The following MED13L variants were observed in gnomAD, a reference collection of about 807,000 sequenced individuals.
The protein encoded by MED13L is mediator of RNA polymerase II transcription subunit 13-like.
Under a neutral mutation model 220.9 loss-of-function variants are expected in MED13L, and 7 were observed. The ratio of observed to expected loss-of-function variants is 0.03; its 90% confidence interval spans 0.02 to 0.06. The LOEUF (loss-of-function observed/expected upper bound fraction) is 0.06. Among genes scored for constraint, MED13L ranks in the 10% least tolerant of loss-of-function variants. The pLI is 1.00. For missense variants in MED13L, 1,965 were observed against 2,760.5 expected (o/e 0.71, Z 6.46); for synonymous variants, 1,011 against 1,015.2 (o/e 1.00, Z 0.08).
chr12:116,242,499 T>C (rs1462791353), intron 1 of MED13L, among the ~76,000 whole-genome samples: 1 of 152,166 alleles, frequency 6.6e-6, no homozygotes, highest in Non-Finnish European at 1.5e-5. Context: ...CAATCCTTAA[T>C]TAAATCTAAG....
intron 2 of MED13L, among the ~76,000 whole-genome samples, chr12:116,114,854 G>T (rs948287436): frequency 2.6e-5 from 4 of 152,114 alleles, no homozygotes; most frequent in Non-Finnish European, 5.9e-5. Context: ...ACCATTTACA[G>T]TAGCACCAAA....
chr12:116,080,937 C>T (rs1204515119), intron 4 of MED13L, among the ~76,000 whole-genome samples: 3 of 152,056 alleles, frequency 2.0e-5, no homozygotes, highest in South Asian at 4.1e-4. Flanking sequence ...TATAGGAATA[C>T]GAAGGTATTC....
At chr12:116,084,374 GT>G (rs1871466539) in intron 4 of MED13L, among the ~76,000 whole-genome samples, 1 of 152,166 alleles carries the variant, frequency 6.6e-6, no homozygotes, top group Non-Finnish European at 1.5e-5. Flanking sequence ...CAGAGAAGGG[GT>G]AAATGGAGGG....
chr12:116,241,384 C>A (rs1241703323), intron 1 of MED13L, among the ~76,000 whole-genome samples: 1 of 147,930 alleles, frequency 6.8e-6, no homozygotes, highest in Non-Finnish European at 1.5e-5. Flanking sequence ...TCACTAATAA[C>A]ATCTAATAAC....
chr12:116,011,892 G>A (rs1029988463), intron 9 of MED13L, among the ~76,000 whole-genome samples: 9 of 152,220 alleles, frequency 5.9e-5, no homozygotes, highest in Non-Finnish European at 1.0e-4. Flanking sequence ...ACACGCAGCA[G>A]TCTGCATATA....
rs762231074 is a variant in MED13L at position 116,007,527 on chromosome 12, T to C, written c.2122A>G (p.Ser708Gly). 46 of 1,613,756 alleles carry C rather than the reference T, an allele frequency of 2.9e-5. No homozygotes were observed. The highest frequency in any genetic ancestry group is 3.6e-5 in the Non-Finnish European group (43 of 1,179,930). ...PLPLSQQPGD[S>G]LGEVNDPYTF... ...TATGGGTCATTCACTTCTCCCAAAC[T>C]GTCTCCAGGTTGTTGTGATAGAGGC... The change falls in exon 11 of 31, where the codon AGT (serine) becomes GGT (glycine). Residue 708 changes from serine to glycine, a missense_variant. This residue lies in a region of MED13L where 818 missense variants were observed against 1,041.2 expected (regional missense o/e 0.79). Coordinates refer to ENST00000281928, the MANE Select transcript of MED13L (RefSeq NM_015335.5).
chr12:116,239,801 T>TA (rs1421932049), intron 1 of MED13L, among the ~76,000 whole-genome samples: 1 of 152,236 alleles, frequency 6.6e-6, no homozygotes, highest in African/African-American at 2.4e-5. Context: ...GCATATCTTT[T>TA]AAAATATCGG....
intron 3 of MED13L, among the ~76,000 whole-genome samples, chr12:116,104,566 T>C (rs1873390572): frequency 6.6e-6 from 1 of 152,166 alleles, no homozygotes; most frequent in Admixed American, 6.5e-5. Flanking sequence ...ATGCTAACAA[T>C]CCATTAGTAC....
At chr12:116,205,081 G>A (rs1478850202) in intron 2 of MED13L, among the ~76,000 whole-genome samples, 1 of 151,988 alleles carries the variant, frequency 6.6e-6, no homozygotes, top group African/African-American at 2.4e-5. Context: ...TGCCTTCTGG[G>A]ACACACAAAT....
At chr12:116,106,781 G>C (rs976223196) in intron 3 of MED13L, among the ~76,000 whole-genome samples, 3 of 150,964 alleles carry the variant, frequency 2.0e-5, no homozygotes, top group Admixed American at 6.6e-5. Flanking sequence ...GAGAGGCAGA[G>C]ATTGCAGTGA....
chr12:116,057,726 T>A (rs1181138462), intron 4 of MED13L, among the ~76,000 whole-genome samples: 2 of 151,924 alleles, frequency 1.3e-5, no homozygotes, highest in African/African-American at 4.8e-5. Flanking sequence ...CTGGCAAAAT[T>A]TGATGGTTTC....
chr12:116,203,352 C>G (rs1243923636), intron 2 of MED13L, among the ~76,000 whole-genome samples: 1 of 151,560 alleles, frequency 6.6e-6, no homozygotes, highest in Non-Finnish European at 1.5e-5. Flanking sequence ...TTATTTTTCT[C>G]TACTTGATGC....
At chr12:116,142,436 C>T (rs906847349) in intron 2 of MED13L, among the ~76,000 whole-genome samples, 2 of 152,138 alleles carry the variant, frequency 1.3e-5, no homozygotes, top group African/African-American at 4.8e-5. Context: ...ACCTGTAATC[C>T]TAGCATTCTG....
intron 1 of MED13L, among the ~76,000 whole-genome samples, chr12:116,270,419 A>G (rs1235605458): frequency 6.6e-6 from 1 of 152,192 alleles, no homozygotes; most frequent in Non-Finnish European, 1.5e-5. Flanking sequence ...TGATGGGATT[A>G]CAGGCTTGAG....
At chr12:116,102,248 C>G (rs1873119250) in intron 3 of MED13L, among the ~76,000 whole-genome samples, 1 of 152,218 alleles carries the variant, frequency 6.6e-6, no homozygotes, top group Non-Finnish European at 1.5e-5. Flanking sequence ...AAACTCTAAT[C>G]CCAAAGCCAC....
chr12:116,261,444 C>A (rs1458774700), intron 1 of MED13L, among the ~76,000 whole-genome samples: 1 of 150,788 alleles, frequency 6.6e-6, no homozygotes, highest in Non-Finnish European at 1.5e-5. Flanking sequence ...GTGCAGTGAG[C>A]CGAGATTGTG....
In MED13L at chr12:115,975,622, G is replaced by A. The variant is rs551222785; in HGVS notation, c.5481C>T (p.Phe1827=). The change falls in exon 24 of 31, where the codon TTC becomes TTT. Residue 1827 remains phenylalanine, a synonymous_variant. Coordinates refer to ENST00000281928, the MANE Select transcript of MED13L (RefSeq NM_015335.5). ...GGTCGTGAGACAGACAATAGCCCACGAAGAGCACATTGTATTTCTGGCTCG... is the reference window on the plus strand; with the variant it reads ...GGTCGTGAGACAGACAATAGCCCACAAAGAGCACATTGTATTTCTGGCTCG... ...GEASQKYNVL[F]VGYCLSHDQR... The A allele has an allele frequency of 2.8e-5, 45 of 1,614,086 alleles. 1 individual carries two copies. Among genetic ancestry groups the A allele is most frequent in the South Asian group, 2.6e-4 (24 of 91,080 alleles).
At chr12:116,206,300 C>T (rs1213799707) in intron 2 of MED13L, among the ~76,000 whole-genome samples, 3 of 151,818 alleles carry the variant, frequency 2.0e-5, no homozygotes, top group African/African-American at 4.8e-5. Flanking sequence ...AGGCTAGTCT[C>T]GAACTCCTGA....
At chr12:116,142,197 T>C (rs1187327503) in intron 2 of MED13L, among the ~76,000 whole-genome samples, 1 of 152,202 alleles carries the variant, frequency 6.6e-6, no homozygotes, top group African/African-American at 2.4e-5. Flanking sequence ...TTTATGTGTT[T>C]ACTTCTTTAC....
Sources: allele counts gnomAD v4.1 joint callset (sites outside exome capture counted in the v4.1 genomes callset), GRCh38; gene constraint gnomAD v4.1.1; regional missense constraint gnomAD v4.1.1; transcripts MANE v1.5; gene names NCBI Gene and HGNC (gene_info 2026-07-23, HGNC 2026-07-21).